The following RTTN variants were observed in gnomAD, a reference collection of about 807,000 sequenced individuals.
RTTN encodes the protein rotatin.
A neutral mutation model predicts 269.2 loss-of-function variants in RTTN; 182 were observed. The observed-to-expected ratio is 0.68, with a 90% CI of 0.60 to 0.76. RTTN has a LOEUF of 0.76. Among genes scored for constraint, RTTN ranks in the 30% least tolerant of loss-of-function variants. The pLI is 0.00. For missense variants in RTTN, 2,545 were observed against 2,608.6 expected, an observed-to-expected ratio of 0.98 and a Z score of 0.53; for synonymous variants, 1,006 against 963.5, an observed-to-expected ratio of 1.04 and a Z score of -0.82.
At chr18:70,103,719 T>A (rs1346445169) in intron 28 of RTTN, among the ~76,000 whole-genome samples, 1 of 109,824 alleles carries the variant, frequency 9.1e-6, no homozygotes, top group Admixed American at 1.3e-4. Flanking sequence ...CCCTGCCACA[T>A]CCCCCTCTCC....
chr18:70,202,026 T>C, intron 3 of RTTN, 43 bp from the exon 4 acceptor site: 1 of 1,116,956 alleles, frequency 9.0e-7, no homozygotes, highest in Non-Finnish European at 1.3e-6. Flanking sequence ...ATTCCTTATT[T>C]GCTAAAAGTG....
At chr18:70,013,640 T>C (rs1050862231) in intron 46 of RTTN, among the ~76,000 whole-genome samples, 26 of 152,220 alleles carry the variant, frequency 1.7e-4, no homozygotes, top group African/African-American at 6.3e-4. Flanking sequence ...TTTTGAATAT[T>C]TGAACTGAAT....
At position 70,167,016 on chromosome 18, in the gene RTTN, A is replaced by G; in HGVS notation, c.1705T>C (p.Leu569=). The G allele has an allele frequency of 6.2e-7, 1 of 1,611,320 alleles. No homozygotes were observed. Among genetic ancestry groups the G allele is most frequent in the Non-Finnish European group, 8.5e-7 (1 of 1,177,716 alleles). Residue 569 remains leucine, a synonymous_variant, in exon 13 of 49, where the codon TTA becomes CTA. Coordinates refer to ENST00000640769, the MANE Select transcript of RTTN (RefSeq NM_173630.4). ...DIGKEGEKNL[L]ELVELADQAL... ...TGGTCTGCCAGCTCCACTAATTCTA[A>G]GAGATTCTTCTCTCCCTACAAAAGA...
chr18:70,078,064 C>T (rs1418360887), intron 32 of RTTN, among the ~76,000 whole-genome samples: 2 of 151,526 alleles, frequency 1.3e-5, no homozygotes, highest in Non-Finnish European at 3.0e-5. Flanking sequence ...AGATCCAAAT[C>T]TTCAAATTAA....
intron 34 of RTTN, among the ~76,000 whole-genome samples, chr18:70,069,627 T>C (rs978367095): frequency 2.6e-5 from 4 of 152,242 alleles, no homozygotes; most frequent in Non-Finnish European, 5.9e-5. Flanking sequence ...TCTTTGTATC[T>C]GCCTTACAGA....
intron 17 of RTTN, among the ~76,000 whole-genome samples, chr18:70,147,699 ATATAATAGAGACTTATCTTACCCAAAG>A (rs2060430763): frequency 6.6e-6 from 1 of 152,160 alleles, no homozygotes; most frequent in Non-Finnish European, 1.5e-5. Context: ...TTCAAATTCT[ATATAATAGAGACTTATCTTACCCAAAG>A]AAAGATCTGG....
intron 40 of RTTN, among the ~76,000 whole-genome samples, chr18:70,040,006 T>C (rs2057293010): frequency 6.6e-6 from 1 of 151,848 alleles, no homozygotes; most frequent in Non-Finnish European, 1.5e-5. Context: ...GAAATTAACA[T>C]ACCACCAAAG....
At position 70,193,590 on chromosome 18, in the gene RTTN, G is replaced by C. The variant is rs949161995; in HGVS notation, c.842-137C>G. On this transcript the variant is annotated intron_variant, in intron 7 of 48. Transcript: ENST00000640769. ...TCCTTCTACAGGGGTAAAAACAAAAGCAAAGATCAAACTTTTCTATAAGTA... is the reference window on the plus strand; with the variant it reads ...TCCTTCTACAGGGGTAAAAACAAAACCAAAGATCAAACTTTTCTATAAGTA... The C allele has an allele frequency of 6.4e-6, 4 of 629,218 alleles. No individual in the cohort carries two copies. In the Admixed American group the frequency reaches 1.5e-4, roughly 24 times the overall value. 39.0% of individuals were successfully genotyped at this position (629,218 alleles called of 1,614,324 possible).
chr18:70,064,767 G>A (rs2058087788), intron 35 of RTTN, among the ~76,000 whole-genome samples: 1 of 152,080 alleles, frequency 6.6e-6, no homozygotes, highest in Non-Finnish European at 1.5e-5. Context: ...CGTGGTGACG[G>A]TTGCACAACT....
At chr18:70,033,712 A>G (rs1050321429) in intron 40 of RTTN, among the ~76,000 whole-genome samples, 2 of 148,388 alleles carry the variant, frequency 1.3e-5, no homozygotes, top group Non-Finnish European at 2.9e-5. Flanking sequence ...AACACAAGAA[A>G]TAATCAGAAT....
chr18:70,065,892 G>A lies in RTTN; in HGVS notation c.4684C>T (p.Gln1562Ter). 1 of 1,601,930 alleles carries A rather than the reference G, an allele frequency of 6.2e-7. No individual in the cohort carries two copies. The highest frequency in any genetic ancestry group is 1.1e-5 in the South Asian group (1 of 89,096). Residue 1562 changes from glutamine to a stop codon, truncating the protein, a stop_gained, in exon 35 of 49, where the codon CAG becomes TAG. Coordinates refer to ENST00000640769, the MANE Select transcript of RTTN (RefSeq NM_173630.4). LOFTEE classifies it high-confidence loss of function. ...AGTGTTGTTGACTGCACAAGTGGCT[G>A]AAATTCAGTACTCCCCAATGAAGGT... The part of the protein sequence containing the change: ...VAPSLGSTEF[Q>*]PLVQSTTLLP...
At chr18:70,092,889 ATGAAT>A in intron 28 of RTTN, 85 bp from the exon 29 acceptor site, 1 of 1,171,174 alleles carries the variant, frequency 8.5e-7, no homozygotes, top group Non-Finnish European at 1.2e-6. Flanking sequence ...ACTGACTTGT[ATGAAT>A]TGAATCCTTA....
chr18:70,063,475 A>G (rs146861028), intron 35 of RTTN, among the ~76,000 whole-genome samples: 2 of 152,272 alleles, frequency 1.3e-5, no homozygotes, highest in Admixed American at 1.3e-4. Context: ...CTGAGACAGG[A>G]GGATTACTTG....
chr18:70,105,163 G>C (rs1340555316), intron 28 of RTTN, among the ~76,000 whole-genome samples: 2 of 152,170 alleles, frequency 1.3e-5, no homozygotes, highest in African/African-American at 4.8e-5. Flanking sequence ...GAGCTTCCCG[G>C]CCGCTTTGAT....
At chr18:70,064,479 T>A (rs1214789546) in intron 35 of RTTN, among the ~76,000 whole-genome samples, 1 of 152,148 alleles carries the variant, frequency 6.6e-6, no homozygotes, top group Admixed American at 6.5e-5. Flanking sequence ...TGTAATATAT[T>A]CATACAGTGG....
At chr18:70,062,772 T>A (rs949862116) in intron 35 of RTTN, among the ~76,000 whole-genome samples, 8 of 152,004 alleles carry the variant, frequency 5.3e-5, no homozygotes, top group African/African-American at 1.9e-4. Context: ...CCACCATGCC[T>A]GGCTAATTTA....
At chr18:70,193,765 C>T (rs916776136) in intron 7 of RTTN, among the ~76,000 whole-genome samples, 2 of 152,114 alleles carry the variant, frequency 1.3e-5, no homozygotes, top group Non-Finnish European at 2.9e-5. Flanking sequence ...AGAATGGCTA[C>T]CTCATACTGT....
At chr18:70,162,098 G>A (rs1223247883) in intron 14 of RTTN, among the ~76,000 whole-genome samples, 1 of 152,092 alleles carries the variant, frequency 6.6e-6, no homozygotes, top group Non-Finnish European at 1.5e-5. Context: ...GCAAAGACAT[G>A]GGATCAACCT....
chr18:70,038,610 C>A (rs565903540), intron 40 of RTTN, among the ~76,000 whole-genome samples: 61 of 152,294 alleles, frequency 4.0e-4, no homozygotes, highest in African/African-American at 1.5e-3. Flanking sequence ...AGGACACACA[C>A]AAACAAGCCC....
Sources: allele counts gnomAD v4.1 joint callset (sites outside exome capture counted in the v4.1 genomes callset), GRCh38; gene constraint gnomAD v4.1.1; transcripts MANE v1.5; gene names NCBI Gene and HGNC (gene_info 2026-07-23, HGNC 2026-07-21).